The following SYNPO2 variants were observed in gnomAD, a reference collection of about 807,000 sequenced individuals.
The protein encoded by SYNPO2 is synaptopodin 2.
Under a neutral mutation model 85.0 loss-of-function variants are expected in SYNPO2, and 56 were observed. The observed-to-expected ratio is 0.66, with a 90% CI of 0.53 to 0.82. The LOEUF (loss-of-function observed/expected upper bound fraction) is 0.82. Ranked by LOEUF, SYNPO2 falls within the 40% of genes least tolerant of loss-of-function variation. The pLI is 0.00. For synonymous variants in SYNPO2, 602 were observed against 591.1 expected, an observed-to-expected ratio of 1.02 and a Z score of -0.27; for missense variants, 1,575 against 1,534.2, an observed-to-expected ratio of 1.03 and a Z score of -0.44.
At chr4:118,851,738 A>G (rs114051506) in intron 1 of SYNPO2, among the ~76,000 whole-genome samples, 4 of 152,146 alleles carry the variant, frequency 2.6e-5, no homozygotes, top group Admixed American at 2.0e-4. Flanking sequence ...CATTTTTTCA[A>G]ATCTCTTTAA....
chr4:118,871,847 G>A (rs1337813626), intron 1 of SYNPO2, among the ~76,000 whole-genome samples: 3 of 152,208 alleles, frequency 2.0e-5, no homozygotes, highest in East Asian at 1.9e-4. Context: ...GGGATTACAG[G>A]CGTGAGCCAC....
At position 119,057,861 on chromosome 4, in the gene SYNPO2, G is replaced by A; in HGVS notation, c.3713G>A (p.Arg1238Lys). ...TCTGCAATCATGTCCATGGAAACCA[G>A]GTCTGATTACTGTCTTCCAGTAGCT... ...NDSAIMSMET[R>K]SDYCLPVADY... Residue 1238 changes from arginine to lysine, a missense_variant, in exon 5 of 5, where the codon AGG becomes AAG. By Grantham distance (26) the Arg-to-Lys change is conservative (BLOSUM62 2). Around this residue, in one of 3 missense-constraint regions of SYNPO2, gnomAD observed 1,508 missense variants for 1,446.8 expected, o/e 1.04. Coordinates refer to ENST00000307142, the MANE Select transcript of SYNPO2 (RefSeq NM_133477.3). 5.0e-6 allele frequency: 8 copies of A among 1,614,052 alleles called. No homozygotes were observed. The highest frequency in any genetic ancestry group is 6.8e-6 in the Non-Finnish European group (8 of 1,180,020).
intron 1 of SYNPO2, among the ~76,000 whole-genome samples, chr4:118,896,087 C>T (rs1032510559): frequency 6.6e-6 from 1 of 152,142 alleles, no homozygotes; most frequent in African/African-American, 2.4e-5. Context: ...ATAATTCTTT[C>T]CCTCTGTTAG....
intron 1 of SYNPO2, among the ~76,000 whole-genome samples, chr4:118,989,372 CTGAG>C: frequency 6.6e-6 from 1 of 152,204 alleles, no homozygotes; most frequent in Non-Finnish European, 1.5e-5. Flanking sequence ...AAGCTTAAGA[CTGAG>C]TGAGAGTCAG....
At chr4:118,909,944 G>T (rs1184632648) in intron 1 of SYNPO2, among the ~76,000 whole-genome samples, 1 of 152,166 alleles carries the variant, frequency 6.6e-6, no homozygotes, top group Non-Finnish European at 1.5e-5. Flanking sequence ...CATTCACAAT[G>T]CGTTCCTGAT....
intron 1 of SYNPO2, among the ~76,000 whole-genome samples, chr4:118,923,343 T>C (rs1192346833): frequency 6.6e-6 from 1 of 151,948 alleles, no homozygotes; most frequent in Non-Finnish European, 1.5e-5. Context: ...AGCTAAACAT[T>C]GAGTACACAT....
chr4:118,972,970 T>C (rs1029557696), intron 1 of SYNPO2, among the ~76,000 whole-genome samples: 3 of 152,192 alleles, frequency 2.0e-5, no homozygotes, highest in Admixed American at 2.0e-4. Flanking sequence ...TTCACACCAA[T>C]GGTCCCCACT....
chr4:118,927,271 T>A (rs1733740736), intron 1 of SYNPO2, among the ~76,000 whole-genome samples: 1 of 152,170 alleles, frequency 6.6e-6, no homozygotes, highest in African/African-American at 2.4e-5. Flanking sequence ...AAATCCATAA[T>A]TTGACATTAT....
intron 1 of SYNPO2, among the ~76,000 whole-genome samples, chr4:118,877,168 T>G (rs1016030303): frequency 6.6e-6 from 1 of 152,150 alleles, no homozygotes; most frequent in Non-Finnish European, 1.5e-5. Context: ...GTTTTCAGTT[T>G]GCTCAAGAAT....
chr4:119,026,967 C>A lies in SYNPO2; in HGVS notation c.598C>A (p.Gln200Lys). ...AVQPGPVVEL[Q>K]LSLSQERHKG... Reference sequence around the variant, plus strand: ...ACAGCCTGGGCCTGTGGTTGAGCTGCAACTGTCCCTTTCACAGGAGAGACA... The same window carrying A: ...ACAGCCTGGGCCTGTGGTTGAGCTGAAACTGTCCCTTTCACAGGAGAGACA... Residue 200 changes from glutamine (Q) to lysine (K), a missense_variant, in exon 3 of 5, where the codon CAA becomes AAA. By Grantham distance (53) the Gln-to-Lys change is moderately conservative. This residue lies in a region of SYNPO2 where 1,508 missense variants were observed against 1,446.8 expected (regional missense o/e 1.04). Transcript: ENST00000307142. The A allele has an allele frequency of 6.2e-7, 1 of 1,614,162 alleles. No individual in the cohort carries two copies. Among genetic ancestry groups the A allele is most frequent in the South Asian group, 1.1e-5 (1 of 91,072 alleles).
At chr4:119,056,321 G>A (rs1260147325) in intron 4 of SYNPO2, among the ~76,000 whole-genome samples, 1 of 152,198 alleles carries the variant, frequency 6.6e-6, no homozygotes, top group African/African-American at 2.4e-5. Context: ...GGGAGGCTGA[G>A]GTGGGAGGAT....
At chr4:119,032,077 T>C in intron 4 of SYNPO2, 50 bp downstream of exon 4, 1 of 1,595,214 alleles carries the variant, frequency 6.3e-7, no homozygotes, top group Non-Finnish European at 8.6e-7. Context: ...TGAAGCTGAG[T>C]GTCCACTTTG....
chr4:118,962,987 G>A (rs1179281952), intron 1 of SYNPO2, among the ~76,000 whole-genome samples: 1 of 152,122 alleles, frequency 6.6e-6, no homozygotes, highest in Admixed American at 6.6e-5. Context: ...CTTGCCTGGT[G>A]GTGGTATATT....
intron 1 of SYNPO2, among the ~76,000 whole-genome samples, chr4:119,019,907 C>T (rs1362092465): frequency 3.3e-5 from 5 of 152,144 alleles, no homozygotes; most frequent in South Asian, 4.1e-4. Context: ...GAATTGGTAT[C>T]ATCAGTACTA....
chr4:118,884,714 C>T (rs1732169093), upstream of SYNPO2, among the ~76,000 whole-genome samples: 1 of 152,162 alleles, frequency 6.6e-6, no homozygotes, highest in African/African-American at 2.4e-5. Flanking sequence ...TAAATTAGAA[C>T]TCTTTGTCTC....
At chr4:118,962,132 C>A (rs1735120235) in intron 1 of SYNPO2, among the ~76,000 whole-genome samples, 1 of 152,180 alleles carries the variant, frequency 6.6e-6, no homozygotes, top group Admixed American at 6.5e-5. Flanking sequence ...AGCATCCGCA[C>A]AGCAGCAATG....
chr4:119,048,628 T>C (rs1334195048), intron 4 of SYNPO2, among the ~76,000 whole-genome samples: 1 of 152,154 alleles, frequency 6.6e-6, no homozygotes, highest in Admixed American at 6.5e-5. Flanking sequence ...GAGTAAGTCC[T>C]GAAGAAAACA....
chr4:118,884,595 G>C (rs1274573557), upstream of SYNPO2, among the ~76,000 whole-genome samples: 1 of 152,204 alleles, frequency 6.6e-6, no homozygotes, highest in Admixed American at 6.5e-5. Context: ...ATGGGAAATA[G>C]AATGTTAGGG....
At chr4:118,889,603 A>C (rs1054948403) in intron 1 of SYNPO2, among the ~76,000 whole-genome samples, 3 of 152,208 alleles carry the variant, frequency 2.0e-5, no homozygotes, top group Admixed American at 2.0e-4. Context: ...TGCAGCATTC[A>C]TGAAAAGGCC....
Sources: gnomAD v4.1 joint callset for allele counts (sites outside exome capture counted in the v4.1 genomes callset) on GRCh38, gnomAD v4.1.1 for gene constraint, gnomAD v4.1.1 regional missense constraint, MANE v1.5 for transcripts, NCBI Gene and HGNC (gene_info 2026-07-23, HGNC 2026-07-21) for gene names.